ERAP1: variants seen among roughly 807,000 people sequenced by gnomAD.
ERAP1 encodes endoplasmic reticulum aminopeptidase 1.
ERAP1 carries 86 observed loss-of-function variants against 103.7 expected under a neutral mutation model. The observed-to-expected ratio is 0.83, with a 90% CI of 0.70 to 0.99. ERAP1 has a LOEUF of 0.99. ERAP1 is among the 50% of genes least tolerant of loss of function. ERAP1 has a pLI of 0.00. For synonymous variants in ERAP1, 398 were observed against 402.4 expected, an observed-to-expected ratio of 0.99 and a Z score of 0.13; for missense variants, 1,009 against 1,128.4, an observed-to-expected ratio of 0.89 and a Z score of 1.52.
Position 96,785,831 on chromosome 5 carries a change from T to G in ERAP1, c.1900A>C (p.Asn634His). ...LKGTHTAVSSNDRASLINNAF... is the reference protein window; with the variant it reads ...LKGTHTAVSSHDRASLINNAF... ...TTGTTAATGAGACTCGCCCGATCAT[T>G]ACTGCTGACTGCTGTGTGTGTTCCT... Residue 634 changes from asparagine (N) to histidine (H), a missense_variant, in exon 13 of 19, where the codon AAT (asparagine) becomes CAT (histidine). Transcript: ENST00000443439. The G allele has an allele frequency of 6.2e-7, 1 of 1,614,210 alleles. No individual in the cohort carries two copies. Among genetic ancestry groups the G allele is most frequent in the South Asian group, 1.1e-5 (1 of 91,082 alleles).
intron 19 of ERAP1, chr5:96,765,246 C>G (rs1408799423): frequency 6.2e-7 from 1 of 1,603,730 alleles, no homozygotes; most frequent in African/African-American, 1.4e-5. Flanking sequence ...CTCGATGATG[C>G]CTTGGATAAA....
the ERAP1 span, among the ~76,000 whole-genome samples, chr5:96,847,888 G>A: frequency 6.6e-6 from 1 of 152,014 alleles, no homozygotes; most frequent in African/African-American, 2.4e-5. Flanking sequence ...TAAACAATCT[G>A]ATGTTGTACC....
chr5:96,807,960 G>T (rs1223367726), upstream of ERAP1: 3 of 985,808 alleles, frequency 3.0e-6, no homozygotes, highest in Non-Finnish European at 3.6e-6. Flanking sequence ...CCCGGGGAGC[G>T]GCAGGCTGGC....
the ERAP1 span, among the ~76,000 whole-genome samples, chr5:96,819,994 A>C: frequency 6.6e-6 from 1 of 152,198 alleles, no homozygotes. Flanking sequence ...CAAGAGAAGG[A>C]GTCACTTCAC....
the ERAP1 span, among the ~76,000 whole-genome samples, chr5:96,817,013 G>C: frequency 6.6e-6 from 1 of 152,180 alleles, no homozygotes; most frequent in South Asian, 2.1e-4. Flanking sequence ...CAGAGGAACT[G>C]TATAGTAAGG....
At chr5:96,818,904 T>TTATG in the ERAP1 span, among the ~76,000 whole-genome samples, 2 of 148,614 alleles carry the variant, frequency 1.3e-5, no homozygotes, top group Non-Finnish European at 3.0e-5. Flanking sequence ...ATTTATTTAT[T>TTATG]TATTTATTTA....
chr5:96,776,721 T>G, intron 18 of ERAP1, 170 bp from the exon 19 acceptor site: 14 of 815,288 alleles, frequency 1.7e-5, no homozygotes, highest in Non-Finnish European at 2.4e-5. Flanking sequence ...AATGAGCTCA[T>G]GCCTCATGAT....
chr5:96,909,750 C>T, the ERAP1 span: 2 of 1,613,960 alleles, frequency 1.2e-6, no homozygotes, highest in Non-Finnish European at 1.7e-6. Flanking sequence ...GGATGGAATC[C>T]AGTGGAAAAT....
At chr5:96,897,653 T>C in the ERAP1 span, among the ~76,000 whole-genome samples, 1 of 152,172 alleles carries the variant, frequency 6.6e-6, no homozygotes, top group Non-Finnish European at 1.5e-5. Context: ...TTCATGTAGA[T>C]AATAGGAAAG....
chr5:96,874,192 A>G, the ERAP1 span, among the ~76,000 whole-genome samples: 4 of 146,890 alleles, frequency 2.7e-5, no homozygotes, highest in Admixed American at 6.8e-5. Flanking sequence ...GAGAGAGAGA[A>G]AGAAGAAAGA....
rs1305876620 is a variant in ERAP1 at position 96,793,939 on chromosome 5, T to C, written c.938A>G (p.Asp313Gly). ...GTTTTCCATAGCACCAGACTGAAAG[T>C]CGGGAATAGCAGCAAGATCTTGGGA... ...LPKQDLAAIP[D>G]FQSGAMENWG... The change falls in exon 6 of 19, where the codon GAC becomes GGC. Residue 313 changes from aspartate (D) to glycine (G), a missense_variant. Coordinates refer to ENST00000443439, the MANE Select transcript of ERAP1 (RefSeq NM_001040458.3). 1.2e-6 allele frequency: 2 copies of C among 1,613,966 alleles called. No homozygotes were observed. Among genetic ancestry groups the C allele is most frequent in the East Asian group, 2.2e-5 (1 of 44,890 alleles).
the ERAP1 span, among the ~76,000 whole-genome samples, chr5:96,884,653 G>A: frequency 5.9e-5 from 9 of 152,208 alleles, no homozygotes; most frequent in Middle Eastern, 3.4e-3. Context: ...AGCCTCCTGG[G>A]TTCAAGCAAT....
chr5:96,786,577 A>G, intron 11 of ERAP1, 28 bp from the exon 12 acceptor site: 1 of 1,446,972 alleles, frequency 6.9e-7, no homozygotes, highest in South Asian at 1.1e-5. Flanking sequence ...TGGATTGTTC[A>G]TTTGTTGATT....
Position 96,788,594 on chromosome 5 carries a change from C to G in ERAP1, c.1616G>C (p.Gly539Ala). 6.2e-7 allele frequency: 1 copy of G among 1,614,186 alleles called. No homozygotes were observed. The highest frequency in any genetic ancestry group is 1.1e-5 in the South Asian group (1 of 91,088). ...CTCTTGCTTCATGTGTACATTCCTC[C>G]CCCTCACTGTGATGGTTATTAGGGG... ...GFPLITITVR[G>A]RNVHMKQEHY... The change falls in exon 11 of 19, where the codon GGG (glycine) becomes GCG (alanine). Residue 539 changes from glycine to alanine, a missense_variant. By Grantham distance (60) the Gly-to-Ala change is moderately conservative. Coordinates refer to ENST00000443439, the MANE Select transcript of ERAP1 (RefSeq NM_001040458.3).
rs1316551469 is a variant in ERAP1 at position 96,780,595 on chromosome 5, T to TA, written c.2589-92dup. The TA allele has an allele frequency of 2.0e-5, 20 of 992,972 alleles. No homozygotes were observed. The East Asian group carries it at 4.4e-4, about 22-fold the overall frequency. The allele number at this position is 992,972 out of a possible 1,614,324, so 61.5% of individuals were successfully genotyped here. A position where few individuals can be genotyped will look rare whatever the true frequency, so the allele number is the denominator to read the frequency against. ...CCTCCTATATATAATAGCTTTCAGC[T>TA]AAAAACTGATCGGTGTGAAAAATAC... On this transcript the variant is annotated intron_variant, in intron 17 of 18. Transcript: ENST00000443439.
intron 1 of ERAP1, chr5:96,804,627 TG>T (rs1778358756): frequency 6.5e-6 from 1 of 154,502 alleles, no homozygotes; most frequent in African/African-American, 2.4e-5. Context: ...ATCAATCACC[TG>T]GATTGATTTT....
the ERAP1 span, among the ~76,000 whole-genome samples, chr5:96,851,438 C>T: frequency 6.6e-6 from 1 of 152,178 alleles, no homozygotes; most frequent in African/African-American, 2.4e-5. Context: ...CTCGAGCCCT[C>T]TGCAGACTTA....
At chr5:96,912,873 A>G in the ERAP1 span, 92 of 1,267,164 alleles carry the variant, frequency 7.3e-5, no homozygotes, top group Non-Finnish European at 9.8e-5. Context: ...AACTTCAGCC[A>G]CCAGTTTTAA....
intron 13 of ERAP1, 135 bp downstream of exon 13, chr5:96,785,653 T>G: frequency 1.1e-6 from 1 of 886,748 alleles, no homozygotes. Context: ...AATCTTGGGT[T>G]GTTAGAAGAA....
Sources: allele counts gnomAD v4.1 joint callset (sites outside exome capture counted in the v4.1 genomes callset), GRCh38; gene constraint gnomAD v4.1.1; transcripts MANE v1.5; gene names NCBI Gene and HGNC (gene_info 2026-07-23, HGNC 2026-07-21).